SENP6: variants seen among roughly 807,000 people sequenced by gnomAD.
SENP6 encodes sentrin-specific protease 6.
Under a neutral mutation model 134.5 loss-of-function variants are expected in SENP6, and 41 were observed. That is an observed-to-expected ratio of 0.30 (90% CI 0.24 to 0.40). The LOEUF is 0.40. SENP6 is among the 10% of genes least tolerant of loss of function. The pLI, the probability that SENP6 is intolerant of heterozygous loss-of-function variation, is 1.00. For missense variants in SENP6, 1,248 were observed against 1,312.5 expected (o/e 0.95, Z 0.76); for synonymous variants, 395 against 429.8 (o/e 0.92, Z 1.00).
At chr6:75,690,554 TA>T (rs1582868798) in intron 16 of SENP6, among the ~76,000 whole-genome samples, 1 of 152,178 alleles carries the variant, frequency 6.6e-6, no homozygotes, top group East Asian at 1.9e-4. Flanking sequence ...AGGAGTTGTT[TA>T]ATAGACATAT....
rs751153174 is a variant in SENP6, at chr6:75,698,871, C to T, written c.2288+1354C>T. Among the ~76,000 whole-genome samples, 13 of 151,762 alleles carry T rather than the reference C, an allele frequency of 8.6e-5. 1 individual carries two copies. The highest frequency in any genetic ancestry group is 2.2e-4 in the African/African-American group (9 of 41,432). Reference sequence around the variant, plus strand: ...ACTGAAAATACAAAAATTAGCTGGGCGTGGTGGTGCGTGCCTGTAATCCCA... The same window carrying T: ...ACTGAAAATACAAAAATTAGCTGGGTGTGGTGGTGCGTGCCTGTAATCCCA... On this transcript the variant is annotated intron_variant, in intron 18 of 23. Coordinates refer to ENST00000447266, the MANE Select transcript of SENP6 (RefSeq NM_015571.4).
rs1776075047 is a variant in SENP6, at chr6:75,717,527, T to C, written c.*1933T>C. On this transcript the variant is annotated 3_prime_UTR_variant, in exon 24 of 24. Coordinates refer to ENST00000447266, the MANE Select transcript of SENP6 (RefSeq NM_015571.4). ...ATTTGATGGCATTTTTCCCACCCCA[T>C]GTGAAATTTTATTTTTGGAAGTTAT... is the stretch of plus-strand genomic sequence containing the variant. 1 of 152,110 alleles carries C rather than the reference T, an allele frequency of 6.6e-6. No individual in the cohort carries two copies. Among genetic ancestry groups the C allele is most frequent in the African/African-American group, 2.4e-5 (1 of 41,458 alleles). 9.4% of individuals were successfully genotyped at this position (152,110 alleles called of 1,614,324 possible). A position where few individuals can be genotyped will look rare whatever the true frequency, so the allele number is the denominator to read the frequency against.
intron 9 of SENP6, among the ~76,000 whole-genome samples, chr6:75,666,404 C>G (rs190447298): frequency 1.0e-3 from 156 of 150,324 alleles, no homozygotes; most frequent in African/African-American, 3.5e-3. Flanking sequence ...ACCTACTGTT[C>G]TTCTTGTAAC....
rs1562073188 is a variant in SENP6, at chr6:75,705,924, C to CTTTTTTTTTTTTTTTTTTTTTTT, written c.2716+2852_2716+2853insTTTTTTTTTTTTTTTTTTTTTTT. On this transcript the variant is annotated intron_variant, in intron 19 of 23. Coordinates refer to ENST00000447266, the MANE Select transcript of SENP6 (RefSeq NM_015571.4). ...AGTGAGTTAGAAAGCTATTTTTGAG[C>CTTTTTTTTTTTTTTTTTTTTTTT]CTTTTTTTTTTTTTTTTTTTTTTTT... 6.5e-3 allele frequency among the ~76,000 whole-genome samples: 578 copies of CTTTTTTTTTTTTTTTTTTTTTTT among 89,262 alleles called. 181 individuals are homozygous for CTTTTTTTTTTTTTTTTTTTTTTT. The highest frequency in any genetic ancestry group is 0.021 in the Middle Eastern group (3 of 140). The allele number at this position is 89,262 out of a possible 152,430, so 58.6% of individuals were successfully genotyped here. A position where few individuals can be genotyped will look rare whatever the true frequency, so the allele number is the denominator to read the frequency against.
At chr6:75,657,395 T>G (rs370968423) in intron 7 of SENP6, among the ~76,000 whole-genome samples, 2 of 152,230 alleles carry the variant, frequency 1.3e-5, no homozygotes, top group East Asian at 3.9e-4. Flanking sequence ...AACCTCAGAT[T>G]TTAGATCTCG....
intron 6 of SENP6, among the ~76,000 whole-genome samples, chr6:75,645,860 T>C (rs1770396015): frequency 6.6e-6 from 1 of 152,206 alleles, no homozygotes; most frequent in African/African-American, 2.4e-5. Flanking sequence ...ACAGTGGCCA[T>C]AAATTCTGGA....
At chr6:75,606,268 C>G (rs984447869) in intron 1 of SENP6, among the ~76,000 whole-genome samples, 5 of 152,192 alleles carry the variant, frequency 3.3e-5, no homozygotes, top group African/African-American at 1.2e-4. Context: ...CAAAAGCACA[C>G]TAAAATTGTA....
chr6:75,699,030 GAAAA>G (rs565707653), intron 18 of SENP6, among the ~76,000 whole-genome samples: 2 of 148,732 alleles, frequency 1.3e-5, no homozygotes, highest in African/African-American at 2.5e-5. Context: ...AAAAGGAAAA[GAAAA>G]AAAAAGACAG....
Position 75,666,102 on chromosome 6 carries a change from A to G in SENP6, c.995-610A>G, listed in dbSNP as rs1772189523. Reference sequence around the variant, plus strand: ...TATATAAAACGTATATATGATATATATAAAATGTATATATGATATATATAA... The same window carrying G: ...TATATAAAACGTATATATGATATATGTAAAATGTATATATGATATATATAA... On this transcript the variant is annotated intron_variant, in intron 9 of 23. Coordinates refer to ENST00000447266, the MANE Select transcript of SENP6 (RefSeq NM_015571.4). Among the ~76,000 whole-genome samples, 4 of 146,470 alleles carry G rather than the reference A, an allele frequency of 2.7e-5. No individual in the cohort carries two copies. In the South Asian group the frequency reaches 6.3e-4, roughly 23 times the overall value.
At position 75,659,390 on chromosome 6, in the gene SENP6, T is replaced by A. The variant is rs1173343095; in HGVS notation, c.679T>A (p.Cys227Ser). The A allele has an allele frequency of 6.2e-7, 1 of 1,609,032 alleles. No homozygotes were observed. The highest frequency in any genetic ancestry group is 8.5e-7 in the Non-Finnish European group (1 of 1,177,158). Residue 227 changes from cysteine (C) to serine (S), a missense_variant, in exon 8 of 24, where the codon TGT becomes AGT. By Grantham distance (112) the Cys-to-Ser change is moderately radical. This residue lies in a region of SENP6 where 733 missense variants were observed against 725.4 expected (regional missense o/e 1.01). Coordinates refer to ENST00000447266, the MANE Select transcript of SENP6 (RefSeq NM_015571.4). Reference sequence around the variant, plus strand: ...TCCTCTATCTCCTGCTTCAAAAAAATGTTTAACCCATTTAGAGGTAAGTAG... The same window carrying A: ...TCCTCTATCTCCTGCTTCAAAAAAAAGTTTAACCCATTTAGAGGTAAGTAG... ...TPPLSPASKKCLTHLEDLQRN... is the reference protein window; with the variant it reads ...TPPLSPASKKSLTHLEDLQRN...
intron 5 of SENP6, among the ~76,000 whole-genome samples, chr6:75,638,207 A>G (rs1769672652): frequency 6.6e-6 from 1 of 150,530 alleles, no homozygotes; most frequent in Non-Finnish European, 1.5e-5. Flanking sequence ...CATTGATACC[A>G]GAATTTATCT....
At chr6:75,640,502 A>G (rs1455495118) in intron 5 of SENP6, among the ~76,000 whole-genome samples, 182 bp from the exon 6 acceptor site, 1 of 151,968 alleles carries the variant, frequency 6.6e-6, no homozygotes, top group African/African-American at 2.4e-5. Flanking sequence ...TTGTATATTG[A>G]CAGAAATCGA....
intron 2 of SENP6, among the ~76,000 whole-genome samples, chr6:75,622,189 T>A (rs573934131): frequency 6.6e-6 from 1 of 152,302 alleles, no homozygotes; most frequent in Admixed American, 6.5e-5. Context: ...TTGGAATGAC[T>A]GTTGTGTAAA....
chr6:75,709,074 C>T (rs958299071), intron 19 of SENP6, among the ~76,000 whole-genome samples: 4 of 151,972 alleles, frequency 2.6e-5, no homozygotes, highest in South Asian at 2.1e-4. Context: ...TAATTTTCCA[C>T]GTTTTCGAAA....
intron 7 of SENP6, among the ~76,000 whole-genome samples, chr6:75,653,025 TTTTCTTTTC>T (rs142800105): frequency 0.094 from 14,293 of 151,746 alleles, 662 homozygotes; most frequent in Non-Finnish European, 0.1. Context: ...TCTGTTACTT[TTTTCTTTTC>T]TTTTTTTTCT....
chr6:75,661,120 A>G (rs1232179256), intron 8 of SENP6, among the ~76,000 whole-genome samples: 1 of 152,196 alleles, frequency 6.6e-6, no homozygotes, highest in Admixed American at 6.5e-5. Flanking sequence ...ATGTGTGTGT[A>G]TTAATATTTA....
intron 19 of SENP6, among the ~76,000 whole-genome samples, chr6:75,706,669 T>G (rs1319161001): frequency 6.6e-6 from 1 of 151,010 alleles, no homozygotes; most frequent in Non-Finnish European, 1.5e-5. Context: ...TGTACATTTT[T>G]GTTTTGTTTT....
intron 1 of SENP6, among the ~76,000 whole-genome samples, chr6:75,607,432 C>A (rs1767109631): frequency 6.6e-6 from 1 of 152,092 alleles, no homozygotes; most frequent in African/African-American, 2.4e-5. Flanking sequence ...TATAAACTTT[C>A]TTTTGATATT....
At chr6:75,612,621 G>C (rs1404171899) in intron 1 of SENP6, among the ~76,000 whole-genome samples, 1 of 152,138 alleles carries the variant, frequency 6.6e-6, no homozygotes, top group East Asian at 1.9e-4. Flanking sequence ...TGAGCTGTCT[G>C]ATAACCCCAT....
Sources: gnomAD v4.1 joint callset for allele counts (sites outside exome capture counted in the v4.1 genomes callset) on GRCh38, gnomAD v4.1.1 for gene constraint, gnomAD v4.1.1 regional missense constraint, MANE v1.5 for transcripts, NCBI Gene and HGNC (gene_info 2026-07-23, HGNC 2026-07-21) for gene names.